LRRFIP1: variants seen among roughly 807,000 people sequenced by gnomAD.
LRRFIP1 encodes the protein LRR binding FLII interacting protein 1, also known as leucine-rich repeat flightless-interacting protein 1.
LRRFIP1 carries 62 observed loss-of-function variants against 104.4 expected under a neutral mutation model. The observed-to-expected ratio is 0.59, with a 90% CI of 0.48 to 0.73. LRRFIP1 has a LOEUF of 0.73. Ranked by LOEUF, LRRFIP1 falls within the 30% of genes least tolerant of loss-of-function variation. The pLI is 0.00. For synonymous variants in LRRFIP1, 300 were observed against 299.0 expected, an observed-to-expected ratio of 1.00 and a Z score of -0.03; for missense variants, 796 against 824.5, an observed-to-expected ratio of 0.97 and a Z score of 0.42.
In LRRFIP1 at chr2:237,781,040, A is replaced by T. The variant is rs759114843; in HGVS notation, c.*1508A>T. The stretch of plus-strand genomic sequence containing the variant: ...CTGCACACCCGGGCACCGTATGAAC[A>T]GGAAAGAGGAAGGAAGCTGGACGAA... On this transcript the variant is annotated 3_prime_UTR_variant, in exon 24 of 24. Transcript: ENST00000308482. Among the ~76,000 whole-genome samples, 6 of 151,264 alleles carry T rather than the reference A, an allele frequency of 4.0e-5. No individual in the cohort carries two copies. The highest frequency in any genetic ancestry group is 3.9e-4 in the Admixed American group (6 of 15,250).
At position 237,711,831 on chromosome 2, in the gene LRRFIP1, A is replaced by G. The variant is rs1053123677; in HGVS notation, c.184-2428A>G. Among the ~76,000 whole-genome samples the G allele has an allele frequency of 2.0e-5, 3 of 152,184 alleles. No homozygotes were observed. The highest frequency in any genetic ancestry group is 4.1e-4 in the South Asian group (2 of 4,832). On this transcript the variant is annotated intron_variant, in intron 2 of 23. Coordinates refer to ENST00000308482, the MANE Select transcript of LRRFIP1 (RefSeq NM_001137550.2). This position sits in a 1 kb window ranked among gnomAD's most constrained non-coding sequence, Gnocchi z 4.4. The stretch of plus-strand genomic sequence containing the variant: ...CTCCTTGTGGCAGCAGAGGATGGAC[A>G]TGGCAGACAGGAAGCTGCCCTGGGA...
chr2:237,720,542 C>T (rs2094501931), intron 5 of LRRFIP1, among the ~76,000 whole-genome samples: 1 of 152,188 alleles, frequency 6.6e-6, no homozygotes, highest in African/African-American at 2.4e-5. Context: ...GACACCACAC[C>T]TGGCCCTGAA....
At chr2:237,688,142 T>C (rs973579052) in intron 1 of LRRFIP1, among the ~76,000 whole-genome samples, 1 of 152,182 alleles carries the variant, frequency 6.6e-6, no homozygotes, top group Non-Finnish European at 1.5e-5. Flanking sequence ...AAGACAAAGT[T>C]ATATCACAGG....
chr2:237,779,645 C>A lies in LRRFIP1; in HGVS notation c.*113C>A. 1.0e-6 allele frequency: 1 copy of A among 960,646 alleles called. No homozygotes were observed. Among genetic ancestry groups the A allele is most frequent in the Non-Finnish European group, 1.6e-6 (1 of 644,946 alleles). 59.5% of individuals were successfully genotyped at this position (960,646 alleles called of 1,614,324 possible). A position where few individuals can be genotyped will look rare whatever the true frequency, so the allele number is the denominator to read the frequency against. ...TCCCCTGCCTTCCGAGAGACGAAGA[C>A]CGTGGCGAGCTTGGCGCTTAGGGGC... On this transcript the variant is annotated 3_prime_UTR_variant, in exon 24 of 24. Transcript: ENST00000308482.
intron 23 of LRRFIP1, among the ~76,000 whole-genome samples, chr2:237,774,778 G>A (rs1375542331): frequency 6.6e-6 from 1 of 152,224 alleles, no homozygotes; most frequent in Non-Finnish European, 1.5e-5. Flanking sequence ...TATTTTTTGT[G>A]TCATGCAGAA....
At chr2:237,690,728 C>A (rs1423008728) in intron 1 of LRRFIP1, among the ~76,000 whole-genome samples, 1 of 134,588 alleles carries the variant, frequency 7.4e-6, no homozygotes, top group Non-Finnish European at 1.5e-5. Context: ...CAGAGCGAGA[C>A]TCCATCTCAA....
intron 1 of LRRFIP1, among the ~76,000 whole-genome samples, chr2:237,669,642 T>C (rs2090022400): frequency 6.6e-6 from 1 of 152,222 alleles, no homozygotes; most frequent in Non-Finnish European, 1.5e-5. Flanking sequence ...GGGCTTTCTC[T>C]TGTATGATGT....
At position 237,771,179 on chromosome 2, in the gene LRRFIP1, C is replaced by T. The variant is rs553095313; in HGVS notation, c.1510-902C>T. Among the ~76,000 whole-genome samples the T allele has an allele frequency of 4.6e-5, 7 of 152,060 alleles. No homozygotes were observed. The East Asian group carries it at 9.7e-4, about 21-fold the overall frequency. On this transcript the variant is annotated intron_variant, in intron 20 of 23. Transcript: ENST00000308482. ...ACATGAAAAGCCCCCGGAGACCCCACGAACTAGATGCCAGAAAGTTCTGCA... is the reference window on the plus strand; with the variant it reads ...ACATGAAAAGCCCCCGGAGACCCCATGAACTAGATGCCAGAAAGTTCTGCA...
chr2:237,754,706 A>G (rs2059064332), intron 15 of LRRFIP1, among the ~76,000 whole-genome samples: 1 of 152,210 alleles, frequency 6.6e-6, no homozygotes, highest in African/African-American at 2.4e-5. Flanking sequence ...TTACGCACAA[A>G]GTTCCTTATA....
Position 237,774,339 on chromosome 2 carries a change from T to G in LRRFIP1, c.1708-19T>G, listed in dbSNP as rs180941801. 136 of 1,489,102 alleles carry G rather than the reference T, an allele frequency of 9.1e-5. No homozygotes were observed. In the East Asian group the frequency reaches 2.3e-3, roughly 25 times the overall value. The allele number at this position is 1,489,102 out of a possible 1,614,324, so 92.2% of individuals were successfully genotyped here. Reference sequence around the variant, plus strand: ...CAGGCTTATCAATTTATACATATGGTTTTTTTTCTACCTTTTAGGTAATAA... The same window carrying G: ...CAGGCTTATCAATTTATACATATGGGTTTTTTTCTACCTTTTAGGTAATAA... On this transcript the variant is annotated intron_variant, in intron 22 of 23. Coordinates refer to ENST00000308482, the MANE Select transcript of LRRFIP1 (RefSeq NM_001137550.2).
At chr2:237,654,757 G>T (rs1272351610) in intron 1 of LRRFIP1, among the ~76,000 whole-genome samples, 1 of 152,062 alleles carries the variant, frequency 6.6e-6, no homozygotes, top group African/African-American at 2.4e-5. Context: ...CACCATGTTG[G>T]CCAGGCTGGT....
At chr2:237,736,252 C>T (rs569104156) in intron 10 of LRRFIP1, among the ~76,000 whole-genome samples, 7 of 152,214 alleles carry the variant, frequency 4.6e-5, no homozygotes, top group Admixed American at 2.0e-4. Context: ...ACATAGCATT[C>T]GTTTTTGTCG....
At chr2:237,693,772 A>G (rs908159114) in intron 1 of LRRFIP1, among the ~76,000 whole-genome samples, 1 of 152,216 alleles carries the variant, frequency 6.6e-6, no homozygotes, top group African/African-American at 2.4e-5. Context: ...AGAAGGGAAG[A>G]GTAAACATTG....
chr2:237,712,465 G>T (rs1030064473), intron 2 of LRRFIP1, among the ~76,000 whole-genome samples: 1 of 152,184 alleles, frequency 6.6e-6, no homozygotes, highest in Non-Finnish European at 1.5e-5. Context: ...GTTCTCCTTG[G>T]TGTGGAATTT....
intron 7 of LRRFIP1, among the ~76,000 whole-genome samples, 170 bp downstream of exon 7, chr2:237,723,756 G>A (rs1277790909): frequency 6.6e-6 from 1 of 152,236 alleles, no homozygotes; most frequent in Non-Finnish European, 1.5e-5. Context: ...CTTCCTCCTG[G>A]GGCCTCCAGG....
intron 1 of LRRFIP1, among the ~76,000 whole-genome samples, chr2:237,690,558 GA>G (rs1343229577): frequency 2.0e-5 from 3 of 152,020 alleles, no homozygotes; most frequent in Non-Finnish European, 4.4e-5. Context: ...CTAACATGGT[GA>G]AACCCCGACT....
intron 11 of LRRFIP1, among the ~76,000 whole-genome samples, chr2:237,742,981 A>G (rs1251565652): frequency 1.3e-5 from 2 of 152,128 alleles, no homozygotes; most frequent in Non-Finnish European, 2.9e-5. Flanking sequence ...TTCCCCTGGA[A>G]AGAGGGGTCA....
intron 1 of LRRFIP1, chr2:237,683,256 C>T (rs915227210): frequency 6.6e-6 from 1 of 152,358 alleles, no homozygotes; most frequent in African/African-American, 2.4e-5. Flanking sequence ...AGCCGACGGT[C>T]AGGTCAGAGA....
At chr2:237,692,312 GC>G in intron 1 of LRRFIP1, 1 of 1,218,776 alleles carries the variant, frequency 8.2e-7, no homozygotes, top group Non-Finnish European at 1.0e-6. Flanking sequence ...CTGGCTCCTG[GC>G]CCCGGAAGCG....
Sources: allele counts gnomAD v4.1 joint callset (sites outside exome capture counted in the v4.1 genomes callset), GRCh38; gene constraint gnomAD v4.1.1; non-coding constraint Gnocchi (gnomAD v3.1); transcripts MANE v1.5; gene names NCBI Gene and HGNC (gene_info 2026-07-23, HGNC 2026-07-21).